Variants in SRGAP3 observed in about 807,000 individuals in gnomAD.
SRGAP3 encodes SLIT-ROBO Rho GTPase activating protein 3, also known as SLIT-ROBO Rho GTPase-activating protein 3.
In SRGAP3, 39 loss-of-function variants were observed where a neutral mutation model predicts 121.1. The observed-to-expected ratio is 0.32, with a 90% CI of 0.25 to 0.42. SRGAP3 has a LOEUF of 0.42. Among genes scored for constraint, SRGAP3 ranks in the 10% least tolerant of loss-of-function variants. The pLI is 1.00. For synonymous variants in SRGAP3, 601 were observed against 570.0 expected, an observed-to-expected ratio of 1.05 and a Z score of -0.77; for missense variants, 1,213 against 1,470.6, an observed-to-expected ratio of 0.82 and a Z score of 2.86.
At chr3:9,117,242 A>G (rs17786975) in intron 2 of SRGAP3, among the ~76,000 whole-genome samples, 2,862 of 152,348 alleles carry the variant, frequency 0.019, 53 homozygotes, top group Middle Eastern at 0.031. Context: ...CTCAATTTAT[A>G]TGCTACAAAA....
At position 9,064,471 on chromosome 3, in the gene SRGAP3, G is replaced by A; in HGVS notation, c.597C>T (p.Ser199=). 6.2e-7 allele frequency: 1 copy of A among 1,614,228 alleles called. No homozygotes were observed. The highest frequency in any genetic ancestry group is 8.5e-7 in the Non-Finnish European group (1 of 1,180,044). Residue 199 remains serine (S), a synonymous_variant, in exon 5 of 22, where the codon AGC becomes AGT. Transcript: ENST00000383836. ...GGTCCTCGTGCCGGAGCAGGTTCAT[G>A]CTGAGGTCTCCTGACTTATTGAACT... The part of the protein sequence containing the change: ...EKQFNKSGDL[S]MNLLRHEDRP...
At chr3:9,024,620 C>G (rs1378638654) in intron 14 of SRGAP3, among the ~76,000 whole-genome samples, 1 of 152,130 alleles carries the variant, frequency 6.6e-6, no homozygotes, top group East Asian at 1.9e-4. Context: ...GTCTAGTGGT[C>G]CACCTCATTT....
intron 3 of SRGAP3, among the ~76,000 whole-genome samples, chr3:9,082,955 AC>A (rs1366134445): frequency 6.6e-6 from 1 of 152,110 alleles, no homozygotes; most frequent in African/African-American, 2.4e-5. Context: ...AATTCCAGAG[AC>A]CTATTTACAC....
intron 1 of SRGAP3, among the ~76,000 whole-genome samples, chr3:9,181,456 T>A (rs970082006): frequency 4.6e-5 from 7 of 152,140 alleles, no homozygotes; most frequent in Non-Finnish European, 4.4e-5. Context: ...TTGCTTAGAG[T>A]CTTATCAGGC....
chr3:9,208,923 C>G (rs994210089), intron 1 of SRGAP3, among the ~76,000 whole-genome samples: 3 of 152,188 alleles, frequency 2.0e-5, no homozygotes, highest in Admixed American at 6.5e-5. Flanking sequence ...CAATGTCTGT[C>G]AGTATTATTA....
At chr3:9,356,758 T>C (rs1159115621) in intron 1 of SRGAP3, among the ~76,000 whole-genome samples, 2 of 151,856 alleles carry the variant, frequency 1.3e-5, no homozygotes, top group African/African-American at 2.4e-5. Context: ...CCCACCTGCC[T>C]CGGCCTCCTA....
chr3:9,175,966 G>C (rs538492936), intron 1 of SRGAP3, among the ~76,000 whole-genome samples: 1 of 152,262 alleles, frequency 6.6e-6, no homozygotes, highest in Admixed American at 6.5e-5. Flanking sequence ...CTGTCACCCA[G>C]GCTGGAGTGC....
chr3:8,989,095 C>T (rs1203393124), intron 21 of SRGAP3, among the ~76,000 whole-genome samples: 1 of 152,268 alleles, frequency 6.6e-6, no homozygotes, highest in Non-Finnish European at 1.5e-5. Flanking sequence ...ATTCCCTACC[C>T]ACTCCCTAGC....
intron 3 of SRGAP3, among the ~76,000 whole-genome samples, chr3:9,295,723 T>C (rs766775240): frequency 4.6e-5 from 7 of 152,222 alleles, no homozygotes; most frequent in Admixed American, 6.5e-5. Context: ...TGTGCAACTA[T>C]CACTACCATC....
chr3:9,358,100 C>G (rs1007867299), intron 1 of SRGAP3, among the ~76,000 whole-genome samples: 3 of 152,100 alleles, frequency 2.0e-5, no homozygotes, highest in African/African-American at 7.2e-5. Context: ...GTCTCAAACT[C>G]TGAAATATTT....
At chr3:9,133,010 G>A (rs925750226) in intron 1 of SRGAP3, among the ~76,000 whole-genome samples, 3 of 148,548 alleles carry the variant, frequency 2.0e-5, no homozygotes, top group African/African-American at 7.4e-5. Context: ...AAACATATAT[G>A]TTATATAGAT....
At chr3:9,318,943 T>C (rs1955397003) in intron 3 of SRGAP3, among the ~76,000 whole-genome samples, 1 of 151,658 alleles carries the variant, frequency 6.6e-6, no homozygotes, top group Non-Finnish European at 1.5e-5. Flanking sequence ...CCTTATTTTG[T>C]TTTTTCTGAT....
At chr3:9,128,049 A>T (rs903034809) in intron 1 of SRGAP3, among the ~76,000 whole-genome samples, 11 of 147,402 alleles carry the variant, frequency 7.5e-5, no homozygotes, top group African/African-American at 2.8e-4. Flanking sequence ...ATTATACCTT[A>T]AAAAAGCTAA....
intron 1 of SRGAP3, among the ~76,000 whole-genome samples, chr3:9,159,785 C>T (rs185118583): frequency 1.3e-5 from 2 of 152,338 alleles, no homozygotes; most frequent in African/African-American, 2.4e-5. Flanking sequence ...AAGTGCGCCA[C>T]ATGGAGCCTT....
In SRGAP3 at chr3:9,015,954, G is replaced by A. The variant is rs541025014; in HGVS notation, c.1679-223C>T. 106 of 577,254 alleles carry A rather than the reference G, an allele frequency of 1.8e-4. 1 individual carries two copies. The highest frequency in any genetic ancestry group is 4.2e-4 in the Admixed American group (14 of 33,180). The allele number at this position is 577,254 out of a possible 1,614,324, so 35.8% of individuals were successfully genotyped here. ...AGAAAAGTTGTAAAAATAAAATAATGAACGCCCATCACCCTTCGCTTACAA... is the reference window on the plus strand; with the variant it reads ...AGAAAAGTTGTAAAAATAAAATAATAAACGCCCATCACCCTTCGCTTACAA... On this transcript the variant is annotated intron_variant, in intron 14 of 21. Coordinates refer to ENST00000383836, the MANE Select transcript of SRGAP3 (RefSeq NM_014850.4).
intron 1 of SRGAP3, among the ~76,000 whole-genome samples, chr3:9,152,391 C>G (rs1950240354): frequency 6.6e-6 from 1 of 152,240 alleles, no homozygotes; most frequent in Non-Finnish European, 1.5e-5. Context: ...CAATATTTCT[C>G]TCTCTCTCTG....
At position 9,327,775 on chromosome 3, in the gene SRGAP3, C is replaced by T. The variant is rs7622655; in HGVS notation, n.284-1607G>A. On this transcript the variant is annotated intron_variant and non_coding_transcript_variant, in intron 2 of 3. Transcript: ENST00000490889. ...TTACCTTTCAGTTGTATATTTCTGG[C>T]ATAAATTCCATTTCATAAATTCTTT... Among the ~76,000 whole-genome samples the T allele has an allele frequency of 1.6e-3, 242 of 152,328 alleles. 1 individual carries two copies. The highest frequency in any genetic ancestry group is 5.6e-3 in the African/African-American group (232 of 41,572).
At chr3:9,340,663 G>GT (rs138850403) in intron 1 of SRGAP3, among the ~76,000 whole-genome samples, 1 of 152,082 alleles carries the variant, frequency 6.6e-6, no homozygotes, top group African/African-American at 2.4e-5. Flanking sequence ...ACATCCAGTA[G>GT]TTTTTTTACT....
chr3:9,159,912 AG>A (rs1328749066), intron 1 of SRGAP3, among the ~76,000 whole-genome samples: 5 of 152,154 alleles, frequency 3.3e-5, no homozygotes, highest in Admixed American at 1.3e-4. Flanking sequence ...AGGAAGAGGG[AG>A]TCTGCCTGTA....
Sources: allele counts gnomAD v4.1 joint callset (sites outside exome capture counted in the v4.1 genomes callset), GRCh38; gene constraint gnomAD v4.1.1; transcripts MANE v1.5; gene names NCBI Gene and HGNC (gene_info 2026-07-23, HGNC 2026-07-21).